The following ERN1 variants were observed in gnomAD, a reference collection of about 807,000 sequenced individuals.
ERN1 encodes serine/threonine-protein kinase/endoribonuclease IRE1.
Under a neutral mutation model 113.1 loss-of-function variants are expected in ERN1, and 39 were observed. That is an observed-to-expected ratio of 0.34 (90% confidence interval 0.27 to 0.45). The LOEUF (loss-of-function observed/expected upper bound fraction) is 0.45. Ranked by LOEUF, ERN1 falls within the 20% of genes least tolerant of loss-of-function variation. The pLI is 1.00. For missense variants in ERN1, 976 were observed against 1,274.8 expected (o/e 0.77, Z 3.57); for synonymous variants, 507 against 515.9 (o/e 0.98, Z 0.23).
chr17:64,058,107 G>C (rs1164590936), intron 11 of ERN1, 114 bp from the exon 12 acceptor site: 1 of 795,382 alleles, frequency 1.3e-6, no homozygotes, highest in African/African-American at 1.8e-5. Context: ...ACTGCAGGGG[G>C]TTTTATTTGT....
At chr17:64,108,287 TC>T (rs1204152595) in intron 1 of ERN1, among the ~76,000 whole-genome samples, 1 of 152,026 alleles carries the variant, frequency 6.6e-6, no homozygotes, top group African/African-American at 2.4e-5. Flanking sequence ...TGAATACAGT[TC>T]CCCCCAAACT....
At chr17:64,062,483 G>T (rs1010199499) in intron 10 of ERN1, among the ~76,000 whole-genome samples, 2 of 152,218 alleles carry the variant, frequency 1.3e-5, no homozygotes, top group Non-Finnish European at 2.9e-5. Context: ...CTCAGAAGAG[G>T]CTTTCGAATT....
intron 1 of ERN1, among the ~76,000 whole-genome samples, chr17:64,114,610 C>T (rs1695492036): frequency 6.6e-6 from 1 of 152,108 alleles, no homozygotes; most frequent in Non-Finnish European, 1.5e-5. Flanking sequence ...ATGGCGTGGG[C>T]CACAAGAGTC....
intron 2 of ERN1, among the ~76,000 whole-genome samples, chr17:64,093,424 G>A (rs1042405238): frequency 6.6e-6 from 1 of 152,290 alleles, no homozygotes; most frequent in African/African-American, 2.4e-5. Flanking sequence ...TGTTGATCTT[G>A]TAAAGTGGAG....
chr17:64,064,336 C>CTGAT (rs1307730072), intron 9 of ERN1, among the ~76,000 whole-genome samples, 185 bp from the exon 10 acceptor site: 1 of 152,214 alleles, frequency 6.6e-6, no homozygotes, highest in Non-Finnish European at 1.5e-5. Flanking sequence ...ACAAGCTGCA[C>CTGAT]TGATGTCTTT....
chr17:64,110,545 A>G (rs1485014241), intron 1 of ERN1, among the ~76,000 whole-genome samples: 1 of 152,174 alleles, frequency 6.6e-6, no homozygotes, highest in Admixed American at 6.5e-5. Flanking sequence ...CATTCTTTTA[A>G]TGTCAGTGCC....
chr17:64,089,702 G>T (rs1467018160), intron 2 of ERN1, among the ~76,000 whole-genome samples: 2 of 152,158 alleles, frequency 1.3e-5, no homozygotes, highest in Non-Finnish European at 2.9e-5. Context: ...AGCCGGGGTG[G>T]AGGGGAGTCA....
In ERN1 at chr17:64,040,406, C is replaced by T. The variant is rs960172648; in HGVS notation, c.*3582G>A. ...CCAAACCTGGCCAAAGTCCAACTTCCTGAAAAGAAAGCAGCCAAGAGGAGA... is the reference window on the plus strand; with the variant it reads ...CCAAACCTGGCCAAAGTCCAACTTCTTGAAAAGAAAGCAGCCAAGAGGAGA... On this transcript the variant is annotated 3_prime_UTR_variant, in exon 22 of 22. Coordinates refer to ENST00000433197, the MANE Select transcript of ERN1 (RefSeq NM_001433.5). 7.2e-5 allele frequency: 11 copies of T among 152,314 alleles called. No homozygotes were observed. Among genetic ancestry groups the T allele is most frequent in the African/African-American group, 2.7e-4 (11 of 41,440 alleles). 9.4% of individuals were successfully genotyped at this position (152,314 alleles called of 1,614,324 possible).
In ERN1 at chr17:64,116,039, C is replaced by T. The variant is rs114529060; in HGVS notation, c.54+13937G>A. 3.1e-3 allele frequency among the ~76,000 whole-genome samples: 473 copies of T among 152,226 alleles called. 2 individuals are homozygous for T. The highest frequency in any genetic ancestry group is 0.011 in the African/African-American group (445 of 41,518). On this transcript the variant is annotated intron_variant, in intron 1 of 21. Transcript: ENST00000433197. Reference sequence around the variant, plus strand: ...TGGTCTTGCAACATCTAAGTGTCTCCGCTTATCTCAAAATATTGCAACATT... The same window carrying T: ...TGGTCTTGCAACATCTAAGTGTCTCTGCTTATCTCAAAATATTGCAACATT...
chr17:64,069,096 G>T (rs1913328230), intron 6 of ERN1, among the ~76,000 whole-genome samples: 1 of 152,126 alleles, frequency 6.6e-6, no homozygotes. Context: ...ACAAAAAATG[G>T]GCTCAGGGTA....
chr17:64,096,844 G>A (rs1043593712), intron 2 of ERN1, among the ~76,000 whole-genome samples: 40 of 152,162 alleles, frequency 2.6e-4, no homozygotes, highest in Admixed American at 6.5e-5. Flanking sequence ...TTATGTGCAG[G>A]GAAAAGCAAA....
chr17:64,074,998 G>T, intron 5 of ERN1, 177 bp downstream of exon 5: 2 of 596,850 alleles, frequency 3.4e-6, no homozygotes, highest in Non-Finnish European at 6.0e-6. Context: ...CTCCCAAGTT[G>T]GGGGAGCCCT....
In ERN1 at chr17:64,054,584, C is replaced by A; in HGVS notation, c.1764-145G>T. On this transcript the variant is annotated intron_variant, in intron 14 of 21. Transcript: ENST00000433197. This position sits in a 1 kb window ranked among gnomAD's most constrained non-coding sequence, Gnocchi z 4.9. ...CTGCCTGGTGGCCCCGGAATCATCG[C>A]TTGTCTCAGTGTGCAAGCTCCCTGG... 1 of 1,016,658 alleles carries A rather than the reference C, an allele frequency of 9.8e-7. No homozygotes were observed. The highest frequency in any genetic ancestry group is 1.6e-5 in the African/African-American group (1 of 61,914). The allele number at this position is 1,016,658 out of a possible 1,614,324, so 63.0% of individuals were successfully genotyped here.
chr17:64,074,465 C>G (rs1302172943), intron 5 of ERN1, among the ~76,000 whole-genome samples: 1 of 152,156 alleles, frequency 6.6e-6, no homozygotes, highest in East Asian at 1.9e-4. Context: ...AAGCAAGAGT[C>G]TCAGTGTCCT....
At chr17:64,109,481 C>T (rs984015687) in intron 1 of ERN1, among the ~76,000 whole-genome samples, 4 of 152,142 alleles carry the variant, frequency 2.6e-5, no homozygotes, top group African/African-American at 9.7e-5. Context: ...CAGCCAGGAC[C>T]CCCATTGTTT....
rs141425929 is a variant in ERN1, at chr17:64,076,235, T to C, written c.283-988A>G. Reference sequence around the variant, plus strand: ...TGTGTTTTTGAAATTGTTCTATAGATACCTGCTTTTATAGAAATGCCTCTA... The same window carrying C: ...TGTGTTTTTGAAATTGTTCTATAGACACCTGCTTTTATAGAAATGCCTCTA... On this transcript the variant is annotated intron_variant, in intron 4 of 21. Coordinates refer to ENST00000433197, the MANE Select transcript of ERN1 (RefSeq NM_001433.5). 2.0e-5 allele frequency among the ~76,000 whole-genome samples: 3 copies of C among 152,380 alleles called. No individual in the cohort carries two copies. The East Asian group carries it at 5.8e-4, about 29-fold the overall frequency.
At chr17:64,056,359 C>T (rs531082437) in intron 12 of ERN1, among the ~76,000 whole-genome samples, 5 of 152,328 alleles carry the variant, frequency 3.3e-5, no homozygotes, top group East Asian at 1.9e-4. Context: ...GCCCCAGGTT[C>T]GCCACCCACC....
chr17:64,117,397 C>T (rs1001798058), intron 1 of ERN1, among the ~76,000 whole-genome samples: 13 of 151,728 alleles, frequency 8.6e-5, no homozygotes, highest in Non-Finnish European at 1.9e-4. Context: ...AAGCCAAAAT[C>T]ACGCCACTGC....
At chr17:64,108,699 G>A (rs1443933854) in intron 1 of ERN1, among the ~76,000 whole-genome samples, 1 of 152,156 alleles carries the variant, frequency 6.6e-6, no homozygotes, top group Non-Finnish European at 1.5e-5. Context: ...CTTTAATGGA[G>A]AAACATCCTA....
Sources: gnomAD v4.1 joint callset for allele counts (sites outside exome capture counted in the v4.1 genomes callset) on GRCh38, gnomAD v4.1.1 for gene constraint, Gnocchi (gnomAD v3.1) non-coding constraint, MANE v1.5 for transcripts, NCBI Gene and HGNC (gene_info 2026-07-23, HGNC 2026-07-21) for gene names.